AASDH: variants seen among roughly 807,000 people sequenced by gnomAD.
AASDH encodes the protein aminoadipate-semialdehyde dehydrogenase, also known as beta-alanine-activating enzyme.
In AASDH, 81 loss-of-function variants were observed where a neutral mutation model predicts 102.3. That is an observed-to-expected ratio of 0.79 (90% CI 0.66 to 0.95). AASDH has a LOEUF of 0.95. Among genes scored for constraint, AASDH ranks in the 40% least tolerant of loss-of-function variants. AASDH has a pLI of 0.00. For missense variants in AASDH, 1,203 were observed against 1,266.2 expected (o/e 0.95, Z 0.76); for synonymous variants, 398 against 454.0 (o/e 0.88, Z 1.57).
intron 10 of AASDH, among the ~76,000 whole-genome samples, chr4:56,350,425 G>T (rs978437295): frequency 6.6e-6 from 1 of 152,114 alleles, no homozygotes; most frequent in Middle Eastern, 3.4e-3. Context: ...CTGCACTCCC[G>T]CCTGGGCAAC....
Position 56,370,360 on chromosome 4 carries a change from A to G in AASDH, c.861+1091T>C, listed in dbSNP as rs559181204. On this transcript the variant is annotated intron_variant, in intron 5 of 14. Transcript: ENST00000205214. ...AACACAGCAAGACTCTGTCAAAAGA[A>G]AGAGAGAGAGAGAGAGGGACAGAGA... Among the ~76,000 whole-genome samples the G allele has an allele frequency of 5.3e-5, 8 of 150,824 alleles. No individual in the cohort carries two copies. The East Asian group carries it at 1.5e-3, about 29-fold the overall frequency.
intron 5 of AASDH, among the ~76,000 whole-genome samples, chr4:56,362,243 GT>G (rs986857919): frequency 2.0e-5 from 3 of 151,872 alleles, no homozygotes; most frequent in African/African-American, 7.3e-5. Context: ...AGTAGTATGT[GT>G]TTTGACAGCT....
intron 9 of AASDH, 121 bp downstream of exon 9, chr4:56,353,283 G>T: frequency 3.9e-6 from 3 of 767,992 alleles, no homozygotes; most frequent in Non-Finnish European, 5.8e-6. Context: ...TCAAAAGAGG[G>T]TCTATCACAA....
intron 14 of AASDH, among the ~76,000 whole-genome samples, chr4:56,341,247 T>C (rs945066410): frequency 1.3e-5 from 2 of 152,116 alleles, no homozygotes; most frequent in Non-Finnish European, 2.9e-5. Flanking sequence ...AGCAAAGATA[T>C]GGAATGCACT....
intron 3 of AASDH, chr4:56,381,614 A>C (rs545888990): frequency 1.4e-5 from 2 of 146,228 alleles, no homozygotes; most frequent in Admixed American, 1.4e-4. Context: ...GAGTCTCTAG[A>C]AAGTCCCCCA....
intron 6 of AASDH, 85 bp downstream of exon 6, chr4:56,355,097 C>T: frequency 6.9e-7 from 1 of 1,443,928 alleles, no homozygotes. Flanking sequence ...ATTATTACCC[C>T]AGCACCTATC....
At position 56,349,713 on chromosome 4, in the gene AASDH, C is replaced by T. The variant is rs1748762060; in HGVS notation, c.2038G>A (p.Val680Ile). Residue 680 changes from valine (V) to isoleucine (I), a missense_variant, in exon 11 of 15, where the codon GTA (valine) becomes ATA (isoleucine). Val to Ile is a conservative substitution (Grantham distance 29). Transcript: ENST00000205214. ...TCHNEINAFV[V>I]LSRGSQILSL... ...AAAATTTGACTCCCTCTGCTCAGTA[C>T]AACAAAAGCATTAATCTCATTGTGG... 6.2e-7 allele frequency: 1 copy of T among 1,614,046 alleles called. No individual in the cohort carries two copies. The highest frequency in any genetic ancestry group is 1.7e-5 in the Admixed American group (1 of 59,998).
At chr4:56,369,801 G>C (rs1020687000) in intron 5 of AASDH, among the ~76,000 whole-genome samples, 18 of 151,904 alleles carry the variant, frequency 1.2e-4, no homozygotes, top group African/African-American at 4.1e-4. Flanking sequence ...TTAGCTGGGC[G>C]TGGTGGTACA....
intron 5 of AASDH, chr4:56,356,325 G>C: frequency 1.3e-6 from 2 of 1,493,872 alleles, no homozygotes; most frequent in Non-Finnish European, 1.8e-6. Flanking sequence ...AGGTTGCAGC[G>C]GCAGAGAGCC....
intron 5 of AASDH, among the ~76,000 whole-genome samples, chr4:56,365,295 C>T (rs1750852458): frequency 3.9e-5 from 6 of 152,080 alleles, no homozygotes; most frequent in Admixed American, 3.9e-4. Flanking sequence ...CCACTGCCAA[C>T]ATTAGACAGA....
At chr4:56,367,326 C>G (rs1751136243) in intron 5 of AASDH, among the ~76,000 whole-genome samples, 1 of 149,790 alleles carries the variant, frequency 6.7e-6, no homozygotes. Context: ...CCATCCCCAT[C>G]AAGCTACCAA....
chr4:56,381,257 T>C (rs1487654059), intron 3 of AASDH, among the ~76,000 whole-genome samples: 1 of 152,184 alleles, frequency 6.6e-6, no homozygotes, highest in Admixed American at 6.5e-5. Flanking sequence ...TACACACTAA[T>C]AAGTAATTAT....
rs1316263311 is a variant in AASDH, at chr4:56,349,625, T to G, written c.2126A>C (p.Asp709Ala). ...LGHCSSACPS[D>A]SVSQTNIQNL... is the part of the protein sequence containing the mutation. ...TTGAATGTTGGTCTGTGAAACTGAG[T>G]CAGAAGGACAGGCTGAAGAGCAATG... Residue 709 changes from aspartate (D) to alanine (A), a missense_variant, in exon 11 of 15, where the codon GAC becomes GCC. Coordinates refer to ENST00000205214, the MANE Select transcript of AASDH (RefSeq NM_181806.4). The G allele has an allele frequency of 6.2e-7, 1 of 1,614,024 alleles. No homozygotes were observed. The highest frequency in any genetic ancestry group is 8.5e-7 in the Non-Finnish European group (1 of 1,180,044).
In AASDH at chr4:56,349,483, A is replaced by C. The variant is rs374813331; in HGVS notation, c.2268T>G (p.His756Gln). The C allele has an allele frequency of 6.2e-6, 10 of 1,614,082 alleles. No individual in the cohort carries two copies. Among genetic ancestry groups the C allele is most frequent in the Non-Finnish European group, 2.5e-6 (3 of 1,180,036 alleles). ...TGCCTGTGTCTGACCTCCACCTCAC[A>C]TGTAACTCCATTTTCTGAGTCCCTA... is the stretch of plus-strand genomic sequence containing the variant. The part of the protein sequence containing the change: ...PAIGTQKMEL[H>Q]VRWRSDTGKC... The change falls in exon 11 of 15, where the codon CAT becomes CAG. Residue 756 changes from histidine to glutamine, a missense_variant. Physicochemically the swap from His to Gln is conservative, Grantham distance 24. Transcript: ENST00000205214.
intron 4 of AASDH, among the ~76,000 whole-genome samples, chr4:56,375,104 C>T (rs1752195807): frequency 6.6e-6 from 1 of 151,698 alleles, no homozygotes; most frequent in Admixed American, 6.6e-5. Context: ...GACAGAGTCT[C>T]GCTCTGTCAC....
At position 56,342,963 on chromosome 4, in the gene AASDH, T is replaced by G; in HGVS notation, c.2779A>C (p.Thr927Pro). Reference sequence around the variant, plus strand: ...GAATGTTTCCAAATAACGTTCCCAGTAGCCTGTCACAGGAAAAAGCAATTC... The same window carrying G: ...GAATGTTTCCAAATAACGTTCCCAGGAGCCTGTCACAGGAAAAAGCAATTC... ...GGLLLAVNPA[T>P]GNVIWKHSCG... The change falls in exon 14 of 15, where the codon ACT becomes CCT. Residue 927 changes from threonine to proline, a missense_variant. Coordinates refer to ENST00000205214, the MANE Select transcript of AASDH (RefSeq NM_181806.4). 6.3e-7 allele frequency: 1 copy of G among 1,576,896 alleles called. No homozygotes were observed. Among genetic ancestry groups the G allele is most frequent in the South Asian group, 1.2e-5 (1 of 85,804 alleles).
chr4:56,354,301 A>ATAT, intron 7 of AASDH, 90 bp from the exon 8 acceptor site: 1 of 1,165,688 alleles, frequency 8.6e-7, no homozygotes, highest in Non-Finnish European at 1.1e-6. Flanking sequence ...TTCAGTGACT[A>ATAT]AACTTCAAAA....
At chr4:56,364,658 A>G (rs978559536) in intron 5 of AASDH, among the ~76,000 whole-genome samples, 1 of 152,212 alleles carries the variant, frequency 6.6e-6, no homozygotes, top group African/African-American at 2.4e-5. Context: ...CTTTACAGAT[A>G]AGCAAATGCT....
At chr4:56,356,246 T>G (rs1302848666) in intron 5 of AASDH, 1 of 825,792 alleles carries the variant, frequency 1.2e-6, no homozygotes, top group Non-Finnish European at 2.1e-6. Flanking sequence ...GCCTAAGAAT[T>G]TTGGCACTGA....
Sources: allele counts gnomAD v4.1 joint callset (sites outside exome capture counted in the v4.1 genomes callset), GRCh38; gene constraint gnomAD v4.1.1; transcripts MANE v1.5; gene names NCBI Gene and HGNC (gene_info 2026-07-23, HGNC 2026-07-21).